Variants in RIPOR1 observed in about 807,000 individuals in gnomAD.
RIPOR1 encodes the protein RHO family interacting cell polarization regulator 1.
RIPOR1 carries 58 observed loss-of-function variants against 116.5 expected under a neutral mutation model. That is an observed-to-expected ratio of 0.50 (90% CI 0.40 to 0.62). The LOEUF (loss-of-function observed/expected upper bound fraction) is 0.62. RIPOR1 is among the 20% of genes least tolerant of loss of function. RIPOR1 has a pLI of 0.00. For missense variants in RIPOR1, 1,372 were observed against 1,586.2 expected, an observed-to-expected ratio of 0.86 and a Z score of 2.29; for synonymous variants, 605 against 650.0, an observed-to-expected ratio of 0.93 and a Z score of 1.05.
chr16:67,537,612 G>A lies in RIPOR1; in HGVS notation c.-23-812G>A. On this transcript the variant is annotated intron_variant, in intron 1 of 21. Transcript: ENST00000042381. The surrounding 1 kb of genome is among the most constrained non-coding windows in gnomAD (Gnocchi z 4.6). ...CAAGAAGAGAGGTAGGACCCAGCTC[G>A]GGGCTGCGAAAGCTCAGGGACTGGC... The A allele has an allele frequency of 1.4e-6, 2 of 1,406,010 alleles. No homozygotes were observed. Among genetic ancestry groups the A allele is most frequent in the Non-Finnish European group, 9.3e-7 (1 of 1,076,960 alleles). The allele number at this position is 1,406,010 out of a possible 1,614,324, so 87.1% of individuals were successfully genotyped here.
At position 67,545,934 on chromosome 16, in the gene RIPOR1, C is replaced by G. The variant is rs367603803; in HGVS notation, c.3388-15C>G. On this transcript the variant is annotated splice_polypyrimidine_tract_variant and intron_variant, in intron 19 of 21. Coordinates refer to ENST00000042381, the MANE Select transcript of RIPOR1 (RefSeq NM_024519.4). This position sits in a 1 kb window ranked among gnomAD's most constrained non-coding sequence, Gnocchi z 4.8. Reference sequence around the variant, plus strand: ...CCCACTGTCTGGCTAAGTCTGTCCTCCCACCCTTCCACAGGCCCTCCTGTG... The same window carrying G: ...CCCACTGTCTGGCTAAGTCTGTCCTGCCACCCTTCCACAGGCCCTCCTGTG... 4.3e-6 allele frequency: 7 copies of G among 1,613,770 alleles called. No homozygotes were observed. The African/African-American group carries it at 9.3e-5, about 22-fold the overall frequency.
Position 67,543,720 on chromosome 16 carries a change from A to G in RIPOR1, c.2600+251A>G. 1.8e-6 allele frequency: 1 copy of G among 555,202 alleles called. No homozygotes were observed. The highest frequency in any genetic ancestry group is 2.0e-5 in the South Asian group (1 of 49,020). 34.4% of individuals were successfully genotyped at this position (555,202 alleles called of 1,614,324 possible). ...TTCTGACCGCCCTCTTCATCTCTGC[A>G]ATGTCTGCCTCCCCTGCCGGTCCCC... On this transcript the variant is annotated intron_variant, in intron 14 of 21. Transcript: ENST00000042381. This position sits in a 1 kb window ranked among gnomAD's most constrained non-coding sequence, Gnocchi z 4.7.
chr16:67,545,022 G>A lies in RIPOR1; in HGVS notation c.2936G>A (p.Ser979Asn). 1 of 1,613,674 alleles carries A rather than the reference G, an allele frequency of 6.2e-7. No individual in the cohort carries two copies. The highest frequency in any genetic ancestry group is 1.1e-5 in the South Asian group (1 of 91,088). ...TGGGACCAGTGCACAGAGAGACTCAGCTGCTTCCTCTGCCCGGTGGAGCGG... is the reference window on the plus strand; with the variant it reads ...TGGGACCAGTGCACAGAGAGACTCAACTGCTTCCTCTGCCCGGTGGAGCGG... Reference protein sequence around the residue: ...TFWDQCTERLSCFLCPVERVL... With the variant: ...TFWDQCTERLNCFLCPVERVL... Residue 979 changes from serine to asparagine, a missense_variant, in exon 17 of 22, where the codon AGC becomes AAC. Physicochemically the swap from Ser to Asn is conservative, Grantham distance 46 (BLOSUM62 1). Coordinates refer to ENST00000042381, the MANE Select transcript of RIPOR1 (RefSeq NM_024519.4). The surrounding 1 kb of genome is among the most constrained non-coding windows in gnomAD (Gnocchi z 4.8).
At position 67,543,739 on chromosome 16, in the gene RIPOR1, G is replaced by T. The variant is rs1029390471; in HGVS notation, c.2600+270G>T. ...CTCTGCAATGTCTGCCTCCCCTGCC[G>T]GTCCCCATCAGCTTGGGTGCCTCCA... On this transcript the variant is annotated intron_variant, in intron 14 of 21. Transcript: ENST00000042381. This position sits in a 1 kb window ranked among gnomAD's most constrained non-coding sequence, Gnocchi z 4.7. 2 of 514,566 alleles carry T rather than the reference G, an allele frequency of 3.9e-6. No homozygotes were observed. Among genetic ancestry groups the T allele is most frequent in the Non-Finnish European group, 7.0e-6 (2 of 284,506 alleles). The allele number at this position is 514,566 out of a possible 1,614,324, so 31.9% of individuals were successfully genotyped here.
Position 67,540,881 on chromosome 16 carries a change from A to G in RIPOR1, c.801+177A>G, listed in dbSNP as rs564459178. 3.9e-5 allele frequency among the ~76,000 whole-genome samples: 6 copies of G among 152,212 alleles called. No individual in the cohort carries two copies. The highest frequency in any genetic ancestry group is 1.4e-4 in the African/African-American group (6 of 41,516). On this transcript the variant is annotated intron_variant, in intron 10 of 21. Transcript: ENST00000042381. The surrounding 1 kb of genome is among the most constrained non-coding windows in gnomAD (Gnocchi z 4.7). ...GAGAGGAACAATCTTTGTGACTCTT[A>G]GGACATCATGGCTTCCTGACCCTGT...
Position 67,537,643 on chromosome 16 carries a change from G to A in RIPOR1, c.-23-781G>A. 5.4e-6 allele frequency: 7 copies of A among 1,307,204 alleles called. No individual in the cohort carries two copies. Among genetic ancestry groups the A allele is most frequent in the Non-Finnish European group, 7.0e-6 (7 of 1,006,974 alleles). The allele number at this position is 1,307,204 out of a possible 1,614,324, so 81.0% of individuals were successfully genotyped here. A position where few individuals can be genotyped will look rare whatever the true frequency, so the allele number is the denominator to read the frequency against. ...GCGAAAGCTCAGGGACTGGCCCCAG[G>A]GGAAGCAGGCCGGGTTTGGGGGCCA... On this transcript the variant is annotated intron_variant, in intron 1 of 21. Transcript: ENST00000042381. The surrounding 1 kb of genome is among the most constrained non-coding windows in gnomAD (Gnocchi z 4.6).
In RIPOR1 at chr16:67,543,320, G is replaced by T. The variant is rs368568479; in HGVS notation, c.2479-28G>T. On this transcript the variant is annotated intron_variant, in intron 13 of 21. Coordinates refer to ENST00000042381, the MANE Select transcript of RIPOR1 (RefSeq NM_024519.4). The surrounding 1 kb of genome is among the most constrained non-coding windows in gnomAD (Gnocchi z 4.7). ...CAGGGAGGGCAGCCAGGGGGCGGCA[G>T]CCGCTCTGATGCCCTTCACAACCTC... is the stretch of plus-strand genomic sequence containing the variant. The T allele has an allele frequency of 1.7e-5, 27 of 1,607,790 alleles. No homozygotes were observed. The highest frequency in any genetic ancestry group is 2.1e-5 in the Non-Finnish European group (25 of 1,177,766).
At chr16:67,527,825 C>T (rs2050558308), upstream of RIPOR1, among the ~76,000 whole-genome samples, 1 of 147,460 alleles carries the variant, frequency 6.8e-6, no homozygotes, top group Non-Finnish European at 1.5e-5. Flanking sequence ...CACTGCATTC[C>T]AGCCTGGGCG....
chr16:67,541,349 T>C lies in RIPOR1; in HGVS notation c.802-81T>C. On this transcript the variant is annotated intron_variant, in intron 10 of 21. Transcript: ENST00000042381. The surrounding 1 kb of genome is among the most constrained non-coding windows in gnomAD (Gnocchi z 4.6). ...CCTCCCATGACCATTTTATAAGTTC[T>C]ATGCAAATTCAGACCTCAGATTTCC... The C allele has an allele frequency of 6.7e-7, 1 of 1,503,164 alleles. No individual in the cohort carries two copies. The highest frequency in any genetic ancestry group is 1.3e-5 in the South Asian group (1 of 79,432). 93.1% of individuals were successfully genotyped at this position (1,503,164 alleles called of 1,614,324 possible).
In RIPOR1 at chr16:67,544,905, C is replaced by G. The variant is rs367820979; in HGVS notation, c.2870-51C>G. The stretch of plus-strand genomic sequence containing the variant: ...CTCAGCCTACTGCCATCTGCATGCT[C>G]TCTACTCACCTGCCTGCCTGTTGCT... On this transcript the variant is annotated intron_variant, in intron 16 of 21. Transcript: ENST00000042381. The surrounding 1 kb of genome is among the most constrained non-coding windows in gnomAD (Gnocchi z 5.1). The G allele has an allele frequency of 5.6e-6, 9 of 1,604,836 alleles. No homozygotes were observed. Among genetic ancestry groups the G allele is most frequent in the Admixed American group, 1.7e-5 (1 of 59,926 alleles).
upstream of RIPOR1, among the ~76,000 whole-genome samples, chr16:67,524,913 A>C (rs1567558607): frequency 6.6e-6 from 1 of 152,218 alleles, no homozygotes; most frequent in Non-Finnish European, 1.5e-5. Context: ...TTTGCAAAGC[A>C]CAGATATGAC....
chr16:67,546,038 C>T lies in RIPOR1; in HGVS notation c.3471+6C>T. 2 of 1,612,504 alleles carry T rather than the reference C, an allele frequency of 1.2e-6. No homozygotes were observed. The highest frequency in any genetic ancestry group is 1.1e-5 in the South Asian group (1 of 91,076). ...TGGCCCTAGGCTGCATCAAGGTGAC[C>T]CCTGCCAACCCTCCCACCCCTCTGT... On this transcript the variant is annotated splice_donor_region_variant and intron_variant, in intron 20 of 21. Transcript: ENST00000042381.
In RIPOR1 at chr16:67,530,295, T is replaced by C. The variant is rs1567561682; in HGVS notation, c.-24+1381T>C. Among the ~76,000 whole-genome samples, 1 of 152,132 alleles carries C rather than the reference T, an allele frequency of 6.6e-6. No homozygotes were observed. The highest frequency in any genetic ancestry group is 1.5e-5 in the Non-Finnish European group (1 of 67,998). ...CGCGCGGCCAGGGAATGTAACCAGCTGACCAGGGAGGGGGCCGGCAGGAAG... is the reference window on the plus strand; with the variant it reads ...CGCGCGGCCAGGGAATGTAACCAGCCGACCAGGGAGGGGGCCGGCAGGAAG... On this transcript the variant is annotated intron_variant, in intron 1 of 21. Coordinates refer to ENST00000042381, the MANE Select transcript of RIPOR1 (RefSeq NM_024519.4). The surrounding 1 kb of genome is among the most constrained non-coding windows in gnomAD (Gnocchi z 4.5).
rs61744916 is a variant in RIPOR1 at position 67,544,354 on chromosome 16, C to T, written c.2656C>T (p.Arg886Cys). Residue 886 changes from arginine to cysteine, a missense_variant, in exon 15 of 22, where the codon CGC becomes TGC. Arg to Cys is a radical substitution (Grantham distance 180, BLOSUM62 -3). Transcript: ENST00000042381. This position sits in a 1 kb window ranked among gnomAD's most constrained non-coding sequence, Gnocchi z 5.1. ...GGACAGCATAGACTCACCCAGTGCC[C>T]GCCCCCTCAGCACGGGGTGTCCAGC... ...AEDSIDSPSARPLSTGCPALD... is the reference protein window; with the variant it reads ...AEDSIDSPSACPLSTGCPALD... 0.057 allele frequency: 91,596 copies of T among 1,613,124 alleles called. 3,071 individuals carry two copies. The highest frequency in any genetic ancestry group is 0.13 in the African/African-American group (10,120 of 74,968).
chr16:67,544,145 T>A lies in RIPOR1; in HGVS notation c.2601-154T>A, dbSNP rs569669355. On this transcript the variant is annotated intron_variant, in intron 14 of 21. Transcript: ENST00000042381. This position sits in a 1 kb window ranked among gnomAD's most constrained non-coding sequence, Gnocchi z 5.1. ...CCACCTGCTGGTCCCAGCCCCTTCC[T>A]CCTTCTGGAAATCCTCCATGAACTT... Among the ~76,000 whole-genome samples, 155 of 152,256 alleles carry A rather than the reference T, an allele frequency of 1.0e-3. 2 individuals are homozygous for A. Among genetic ancestry groups the A allele is most frequent in the African/African-American group, 3.2e-3 (131 of 41,534 alleles).
Position 67,538,810 on chromosome 16 carries a change from G to A in RIPOR1, c.243G>A (p.Leu81=). 1 of 1,613,188 alleles carries A rather than the reference G, an allele frequency of 6.2e-7. No individual in the cohort carries two copies. The highest frequency in any genetic ancestry group is 8.5e-7 in the Non-Finnish European group (1 of 1,179,958). The change falls in exon 3 of 22, where the codon CTG becomes CTA. Residue 81 remains leucine, a synonymous_variant. Coordinates refer to ENST00000042381, the MANE Select transcript of RIPOR1 (RefSeq NM_024519.4). ...PERLDLVYTA[L]KRGLTAYLEV... ...GGCTGGACCTGGTGTACACGGCGCT[G>A]AAGCGGGGCCTGACGTGAGCAGCTC...
chr16:67,546,387 A>G lies in RIPOR1; in HGVS notation c.3584A>G (p.His1195Arg), dbSNP rs767697697. The change falls in exon 22 of 22, where the codon CAT (histidine) becomes CGT (arginine). Residue 1195 changes from histidine (H) to arginine (R), a missense_variant. Transcript: ENST00000042381. ...ACAGGAGAAGAGGGACAGTCTGCCC[A>G]TCGACGGCTGGAGGAGTCCCTGGAC... ...QQCGEEGQSA[H>R]RRLEESLDAL... 6.8e-6 allele frequency: 11 copies of G among 1,613,976 alleles called. No homozygotes were observed. The highest frequency in any genetic ancestry group is 4.5e-5 in the East Asian group (2 of 44,898).
chr16:67,539,117 C>T (rs1406346317), intron 4 of RIPOR1, 49 bp downstream of exon 4: 4 of 1,534,010 alleles, frequency 2.6e-6, no homozygotes, highest in Non-Finnish European at 3.6e-6. Context: ...GTGTGGAGGG[C>T]TGGGCAAGGG....
rs55659157 is a variant in RIPOR1, at chr16:67,540,747, A to G, written c.801+43A>G. On this transcript the variant is annotated intron_variant, in intron 10 of 21. Transcript: ENST00000042381. This position sits in a 1 kb window ranked among gnomAD's most constrained non-coding sequence, Gnocchi z 4.7. ...GACGGCAGGCCACCATGGCCCTGTG[A>G]ACCCCTTGTGACCCCCATTACCCTG... 1 of 1,545,580 alleles carries G rather than the reference A, an allele frequency of 6.5e-7. No individual in the cohort carries two copies. Among genetic ancestry groups the G allele is most frequent in the Non-Finnish European group, 8.7e-7 (1 of 1,145,944 alleles).
Sources: allele counts gnomAD v4.1 joint callset (sites outside exome capture counted in the v4.1 genomes callset), GRCh38; gene constraint gnomAD v4.1.1; non-coding constraint Gnocchi (gnomAD v3.1); transcripts MANE v1.5; gene names NCBI Gene and HGNC (gene_info 2026-07-23, HGNC 2026-07-21).